DRAM1: variants seen among roughly 807,000 people sequenced by gnomAD.
DRAM1 encodes DNA damage regulated autophagy modulator 1.
In DRAM1, 25 loss-of-function variants were observed where a neutral mutation model predicts 28.5. That is an observed-to-expected ratio of 0.88 (90% CI 0.64 to 1.23). DRAM1 has a LOEUF of 1.23. Among genes scored for constraint, DRAM1 ranks in the 50% most tolerant of loss-of-function variants. The probability of loss-of-function intolerance (pLI) is 0.00; values close to 1 mark genes in which losing one functional copy is unlikely to be tolerated. For synonymous variants in DRAM1, 113 were observed against 114.2 expected (o/e 0.99, Z 0.07); for missense variants, 249 against 299.2 (o/e 0.83, Z 1.24).
chr12:101,892,402 ATTTTTTTT>A (rs748326902), intron 1 of DRAM1, among the ~76,000 whole-genome samples: 7 of 82,730 alleles, frequency 8.5e-5, no homozygotes, highest in East Asian at 1.4e-3. Context: ...TGCCAGGCTA[ATTTTTTTT>A]TTTTTTTTTT....
chr12:101,901,282 C>T lies in DRAM1; in HGVS notation c.200-9C>T. ...TATGAACATTCATCAAAGTTCTCTT[C>T]TTTTTCAGGTGCAGCCACGATGTAT... On this transcript the variant is annotated splice_polypyrimidine_tract_variant and intron_variant, in intron 2 of 6. Coordinates refer to ENST00000258534, the MANE Select transcript of DRAM1 (RefSeq NM_018370.3). 1 of 1,606,670 alleles carries T rather than the reference C, an allele frequency of 6.2e-7. No individual in the cohort carries two copies. The highest frequency in any genetic ancestry group is 8.5e-7 in the Non-Finnish European group (1 of 1,177,256).
intron 1 of DRAM1, among the ~76,000 whole-genome samples, chr12:101,889,128 A>G (rs1873000824): frequency 6.6e-6 from 1 of 152,130 alleles, no homozygotes; most frequent in Non-Finnish European, 1.5e-5. Context: ...AAAAAGTTTC[A>G]TAGTCCTCTT....
In DRAM1 at chr12:101,908,842, G is replaced by A. The variant is rs1356439077; in HGVS notation, c.520+479G>A. ...TTGACTAAAGTTCAGCCAAGCAAAG[G>A]ATCTTTGTCACCGTGTCTTAGCAAA... On this transcript the variant is annotated intron_variant, in intron 4 of 6. Coordinates refer to ENST00000258534, the MANE Select transcript of DRAM1 (RefSeq NM_018370.3). Among the ~76,000 whole-genome samples, 4 of 139,418 alleles carry A rather than the reference G, an allele frequency of 2.9e-5. No individual in the cohort carries two copies. In the East Asian group the frequency reaches 8.6e-4, roughly 30 times the overall value. 91.5% of individuals were successfully genotyped at this position (139,418 alleles called of 152,430 possible). A position where few individuals can be genotyped will look rare whatever the true frequency, so the allele number is the denominator to read the frequency against.
chr12:101,887,460 A>G (rs1872927176), intron 1 of DRAM1, among the ~76,000 whole-genome samples: 1 of 152,120 alleles, frequency 6.6e-6, no homozygotes, highest in Non-Finnish European at 1.5e-5. Context: ...ATGAATACAC[A>G]TTGATACACT....
chr12:101,920,108 G>A lies in DRAM1; in HGVS notation c.580-1G>A. 1 of 1,591,962 alleles carries A rather than the reference G, an allele frequency of 6.3e-7. No homozygotes were observed. The highest frequency in any genetic ancestry group is 8.6e-7 in the Non-Finnish European group (1 of 1,169,162). On this transcript the variant is annotated splice_acceptor_variant, in intron 5 of 6. Transcript: ENST00000258534. LOFTEE classifies it high-confidence loss of function. The stretch of plus-strand genomic sequence containing the variant: ...ATTCTGTTTCTTTATTATTGCATTA[G>A]GATTATGTATATCACGTAGTGAGTG...
At chr12:101,879,386 A>G (rs757010062) in intron 1 of DRAM1, among the ~76,000 whole-genome samples, 3 of 152,176 alleles carry the variant, frequency 2.0e-5, no homozygotes, top group Non-Finnish European at 4.4e-5. Context: ...CTATGAAAGG[A>G]GATGTTATGT....
At chr12:101,905,757 T>TTTTTTTTATTTA (rs1555283457) in intron 3 of DRAM1, among the ~76,000 whole-genome samples, 4 of 147,420 alleles carry the variant, frequency 2.7e-5, no homozygotes, top group African/African-American at 7.7e-5. Flanking sequence ...GCCCATCTGA[T>TTTTTTTTATTTA]TTTATTTATT....
At chr12:101,885,314 T>G (rs1872846478) in intron 1 of DRAM1, among the ~76,000 whole-genome samples, 1 of 152,194 alleles carries the variant, frequency 6.6e-6, no homozygotes, top group Admixed American at 6.5e-5. Flanking sequence ...TTTTGTTTGT[T>G]TTTGATAAAC....
chr12:101,887,476 TTAAAA>T, intron 1 of DRAM1, among the ~76,000 whole-genome samples: 1 of 152,178 alleles, frequency 6.6e-6, no homozygotes. Context: ...ACACTTTAAG[TTAAAA>T]TAAAATGTTT....
chr12:101,903,969 A>T (rs1873700057), intron 3 of DRAM1, among the ~76,000 whole-genome samples: 1 of 148,130 alleles, frequency 6.8e-6, no homozygotes, highest in African/African-American at 2.5e-5. Flanking sequence ...ACACCCCTAT[A>T]AGCCTCATAA....
intron 4 of DRAM1, among the ~76,000 whole-genome samples, chr12:101,913,564 A>G (rs10860818): frequency 0.36 from 54,044 of 151,574 alleles, 11,232 homozygotes; most frequent in African/African-American, 0.58. Flanking sequence ...AAAATTAGCC[A>G]GGCATGGTGG....
intron 4 of DRAM1, among the ~76,000 whole-genome samples, chr12:101,912,251 CAT>C (rs1874068637): frequency 6.6e-6 from 1 of 152,124 alleles, no homozygotes; most frequent in Non-Finnish European, 1.5e-5. Context: ...AAAAATTACA[CAT>C]ATTTCTGTGG....
chr12:101,886,961 C>T (rs1221323599), intron 1 of DRAM1, among the ~76,000 whole-genome samples: 1 of 152,072 alleles, frequency 6.6e-6, no homozygotes, highest in Non-Finnish European at 1.5e-5. Context: ...GCCTGGCCAA[C>T]ATGGTGAAAC....
intron 1 of DRAM1, among the ~76,000 whole-genome samples, chr12:101,878,795 G>T (rs1289266602): frequency 6.6e-6 from 1 of 152,162 alleles, no homozygotes; most frequent in Non-Finnish European, 1.5e-5. Context: ...CGGATGATAA[G>T]GTTGGTGACA....
chr12:101,902,978 T>C (rs1438835990), intron 3 of DRAM1, among the ~76,000 whole-genome samples: 6 of 151,904 alleles, frequency 3.9e-5, no homozygotes, highest in Non-Finnish European at 1.5e-5. Flanking sequence ...TAGAGTGTAG[T>C]GGCGCGATCT....
rs537815795 is a variant in DRAM1, at chr12:101,885,809, TGAG to T, written c.131+7890_131+7892del. Among the ~76,000 whole-genome samples the T allele has an allele frequency of 3.2e-4, 49 of 152,226 alleles. No individual in the cohort carries two copies. The South Asian group carries it at 1.0e-2, about 31-fold the overall frequency. ...TCAAAAAGTGCTGGGATTACAGGTG[TGAG>T]CCACCGCGTCCGGCCTCCCAGTGGC... On this transcript the variant is annotated intron_variant, in intron 1 of 6. Transcript: ENST00000258534.
intron 1 of DRAM1, among the ~76,000 whole-genome samples, chr12:101,896,690 CT>C (rs1566124522): frequency 6.6e-6 from 1 of 152,016 alleles, no homozygotes; most frequent in East Asian, 1.9e-4. Flanking sequence ...TACAGAAACC[CT>C]TTTTTGTTAA....
chr12:101,918,880 C>T (rs61936583), intron 5 of DRAM1, among the ~76,000 whole-genome samples: 35,398 of 152,006 alleles, frequency 0.23, 5,457 homozygotes, highest in African/African-American at 0.44. Flanking sequence ...AGAATGCAGA[C>T]ATGCATATTT....
chr12:101,890,932 A>G (rs979855489), intron 1 of DRAM1, among the ~76,000 whole-genome samples: 2 of 151,714 alleles, frequency 1.3e-5, no homozygotes, highest in Non-Finnish European at 2.9e-5. Context: ...TATACTTTTA[A>G]TAGAGACGGG....
Sources: allele counts gnomAD v4.1 joint callset (sites outside exome capture counted in the v4.1 genomes callset), GRCh38; gene constraint gnomAD v4.1.1; transcripts MANE v1.5; gene names NCBI Gene and HGNC (gene_info 2026-07-23, HGNC 2026-07-21).